Variants in IL2RB observed in about 807,000 individuals in gnomAD.
IL2RB encodes interleukin-2 receptor subunit beta.
In IL2RB, 17 loss-of-function variants were observed where a neutral mutation model predicts 44.2. The observed-to-expected ratio is 0.38, with a 90% CI of 0.26 to 0.58. The LOEUF is 0.58. Ranked by LOEUF, IL2RB falls within the 20% of genes least tolerant of loss-of-function variation. IL2RB has a pLI of 0.63. For synonymous variants in IL2RB, 286 were observed against 297.9 expected, an observed-to-expected ratio of 0.96 and a Z score of 0.41; for missense variants, 624 against 685.5, an observed-to-expected ratio of 0.91 and a Z score of 1.00.
chr22:37,149,228 G>C (rs1394834171), intron 1 of IL2RB, among the ~76,000 whole-genome samples: 1 of 152,186 alleles, frequency 6.6e-6, no homozygotes, highest in African/African-American at 2.4e-5. Flanking sequence ...GACCTGTCCA[G>C]TCATGCAGCC....
intron 1 of IL2RB, among the ~76,000 whole-genome samples, chr22:37,147,142 A>C (rs1216638744): frequency 6.6e-6 from 1 of 152,156 alleles, no homozygotes; most frequent in African/African-American, 2.4e-5. Context: ...AGTCACACCA[A>C]AACCATCGGC....
intron 1 of IL2RB, among the ~76,000 whole-genome samples, chr22:37,162,310 CAGTACGGGAGGTCTTTGAT>C (rs1031150223): frequency 6.6e-6 from 1 of 152,136 alleles, no homozygotes; most frequent in African/African-American, 2.4e-5. Context: ...TGCTCAAGGA[CAGTACGGGAGGTCTTTGAT>C]AAAAACCTCC....
At chr22:37,152,227 G>T, upstream of IL2RB, among the ~76,000 whole-genome samples, 1 of 151,912 alleles carries the variant, frequency 6.6e-6, no homozygotes, top group East Asian at 1.9e-4. Context: ...TATTTTTTGT[G>T]TCCTCTTCAG....
intron 7 of IL2RB, among the ~76,000 whole-genome samples, 178 bp downstream of exon 7, chr22:37,136,050 G>T (rs760720): frequency 0.23 from 34,962 of 151,936 alleles, 4,896 homozygotes; most frequent in Admixed American, 0.32. Context: ...GGCAAGCCCC[G>T]TCCCCTCACT....
intron 1 of IL2RB, among the ~76,000 whole-genome samples, chr22:37,158,496 T>C (rs143120900): frequency 1.3e-3 from 192 of 152,070 alleles, no homozygotes; most frequent in African/African-American, 4.4e-3. Context: ...AGGCAGAGGT[T>C]GCAGTGAGCC....
chr22:37,146,419 C>A (rs1482841888), intron 1 of IL2RB, among the ~76,000 whole-genome samples: 1 of 152,144 alleles, frequency 6.6e-6, no homozygotes, highest in Non-Finnish European at 1.5e-5. Flanking sequence ...GGTGCATGTA[C>A]CCAGGCCAAA....
chr22:37,130,010 A>C (rs1921343316), intron 9 of IL2RB, among the ~76,000 whole-genome samples: 1 of 151,922 alleles, frequency 6.6e-6, no homozygotes, highest in African/African-American at 2.4e-5. Context: ...CCTGAGGCTG[A>C]GCCAGCTGCT....
Position 37,144,220 on chromosome 22 carries a change from GAA to G in IL2RB, c.-33-17_-33-16del, listed in dbSNP as rs1223969534. 6.5e-7 allele frequency: 1 copy of G among 1,536,204 alleles called. No individual in the cohort carries two copies. The highest frequency in any genetic ancestry group is 8.8e-7 in the Non-Finnish European group (1 of 1,139,876). ...GGAAGGAAGCCCTGGTGGGAGAGGA[GAA>G]AGAGAGAGCACACGTAAATACACAT... is the stretch of plus-strand genomic sequence containing the variant. On this transcript the variant is annotated splice_polypyrimidine_tract_variant and intron_variant, in intron 1 of 9. Coordinates refer to ENST00000216223, the MANE Select transcript of IL2RB (RefSeq NM_000878.5).
intron 1 of IL2RB, among the ~76,000 whole-genome samples, chr22:37,173,062 T>C (rs1372958875): frequency 6.6e-6 from 1 of 152,156 alleles, no homozygotes; most frequent in Admixed American, 6.5e-5. Context: ...AAAACCTGGC[T>C]CCTTCCGGCC....
intron 1 of IL2RB, among the ~76,000 whole-genome samples, chr22:37,163,721 G>A (rs1251762383): frequency 6.6e-6 from 1 of 152,248 alleles, no homozygotes; most frequent in East Asian, 1.9e-4. Context: ...GCTGCTACCT[G>A]AGTGGAGCAG....
At position 37,145,518 on chromosome 22, in the gene IL2RB, C is replaced by T. The variant is rs542167774; in HGVS notation, c.-33-1313G>A. On this transcript the variant is annotated intron_variant, in intron 1 of 9. Coordinates refer to ENST00000216223, the MANE Select transcript of IL2RB (RefSeq NM_000878.5). ...TGAGGCAAGACCACAACTGTCGCAG[C>T]GGAAATGGGAAAGAAAAGTAGCTGC... Among the ~76,000 whole-genome samples the T allele has an allele frequency of 7.2e-5, 11 of 152,058 alleles. No homozygotes were observed. In the South Asian group the frequency reaches 1.0e-3, roughly 14 times the overall value.
chr22:37,166,079 T>C (rs928950058), intron 1 of IL2RB, among the ~76,000 whole-genome samples: 2 of 152,202 alleles, frequency 1.3e-5, no homozygotes, highest in Admixed American at 6.5e-5. Context: ...CCAGCTCAGC[T>C]GATAGCTGGG....
intron 7 of IL2RB, 75 bp downstream of exon 7, chr22:37,136,153 A>C: frequency 6.9e-7 from 1 of 1,456,342 alleles, no homozygotes; most frequent in Non-Finnish European, 9.3e-7. Flanking sequence ...CCAGGCAGGG[A>C]GAGAATGGAG....
chr22:37,160,567 A>G (rs1234806522), intron 1 of IL2RB, among the ~76,000 whole-genome samples: 2 of 152,288 alleles, frequency 1.3e-5, no homozygotes, highest in East Asian at 3.8e-4. Context: ...CTCAATTTGC[A>G]AAAGAAGCTA....
upstream of IL2RB, among the ~76,000 whole-genome samples, chr22:37,153,512 C>G (rs763626242): frequency 2.0e-5 from 3 of 152,186 alleles, no homozygotes; most frequent in Non-Finnish European, 4.4e-5. Flanking sequence ...AATGTGACCA[C>G]GCACTGCAGG....
intron 5 of IL2RB, 42 bp from the exon 6 acceptor site, chr22:37,137,777 C>T (rs1490302831): frequency 3.2e-6 from 5 of 1,567,904 alleles, no homozygotes; most frequent in Non-Finnish European, 4.4e-6. Flanking sequence ...CAGCCATGAC[C>T]TCCACCTCCC....
At chr22:37,130,440 G>A (rs536251967) in intron 9 of IL2RB, among the ~76,000 whole-genome samples, 4 of 152,322 alleles carry the variant, frequency 2.6e-5, no homozygotes, top group African/African-American at 9.6e-5. Context: ...CACGTTCCAC[G>A]ATCCCCTGGG....
chr22:37,138,963 A>G, intron 5 of IL2RB, 154 bp downstream of exon 5: 1 of 601,962 alleles, frequency 1.7e-6, no homozygotes. Flanking sequence ...GGAAGGAGCC[A>G]GGACGTCATC....
intron 9 of IL2RB, among the ~76,000 whole-genome samples, chr22:37,132,025 C>T (rs761219487): frequency 6.6e-6 from 1 of 152,166 alleles, no homozygotes; most frequent in Non-Finnish European, 1.5e-5. Flanking sequence ...TGAACCACTG[C>T]ACCCAGCCTG....
Sources: allele counts gnomAD v4.1 joint callset (sites outside exome capture counted in the v4.1 genomes callset), GRCh38; gene constraint gnomAD v4.1.1; transcripts MANE v1.5; gene names NCBI Gene and HGNC (gene_info 2026-07-23, HGNC 2026-07-21).